The following RYR3 variants were observed in gnomAD, a reference collection of about 807,000 sequenced individuals.
The protein encoded by RYR3 is brain ryanodine receptor-calcium release channel.
Under a neutral mutation model 584.3 loss-of-function variants are expected in RYR3, and 207 were observed. The ratio of observed to expected loss-of-function variants is 0.35; its 90% CI spans 0.32 to 0.40. RYR3 has a LOEUF of 0.40. Among genes scored for constraint, RYR3 ranks in the 10% least tolerant of loss-of-function variants. The pLI is 1.00. For missense variants in RYR3, 5,616 were observed against 6,089.2 expected, an observed-to-expected ratio of 0.92 and a Z score of 2.59; for synonymous variants, 2,416 against 2,248.5, an observed-to-expected ratio of 1.07 and a Z score of -2.11.
At chr15:33,363,664 G>A (rs1269869279) in intron 1 of RYR3, among the ~76,000 whole-genome samples, 3 of 152,132 alleles carry the variant, frequency 2.0e-5, no homozygotes, top group Admixed American at 2.0e-4. Context: ...CAATTTGCAG[G>A]TTGCCAATCA....
At chr15:33,436,406 A>G (rs1288337545) in intron 1 of RYR3, among the ~76,000 whole-genome samples, 2 of 152,002 alleles carry the variant, frequency 1.3e-5, no homozygotes, top group Non-Finnish European at 2.9e-5. Flanking sequence ...AGTTCTTTGG[A>G]CATTACAACT....
intron 5 of RYR3, among the ~76,000 whole-genome samples, chr15:33,535,053 C>T (rs547733384): frequency 5.6e-4 from 85 of 152,246 alleles, no homozygotes; most frequent in African/African-American, 1.9e-3. Flanking sequence ...GGAACAGAGA[C>T]CAAGGAAGAG....
At chr15:33,420,381 A>G (rs939785080) in intron 1 of RYR3, among the ~76,000 whole-genome samples, 3 of 152,164 alleles carry the variant, frequency 2.0e-5, no homozygotes, top group Non-Finnish European at 1.5e-5. Context: ...AGTCCCACAA[A>G]ACATAATACA....
chr15:33,812,945 C>T lies in RYR3; in HGVS notation c.10340C>T (p.Thr3447Ile), dbSNP rs957923547. The T allele has an allele frequency of 1.9e-6, 3 of 1,613,908 alleles. No homozygotes were observed. Among genetic ancestry groups the T allele is most frequent in the Non-Finnish European group, 2.5e-6 (3 of 1,179,810 alleles). ...GAAGAACCTTTCAATCCGGAAAAGA[C>T]AGTGGAGCGTGTGCAGAGAATTTCA... Reference protein sequence around the residue: ...KSEEPFNPEKTVERVQRISAA... With the variant: ...KSEEPFNPEKIVERVQRISAA... Residue 3447 changes from threonine to isoleucine, a missense_variant, in exon 73 of 104, where the codon ACA (threonine) becomes ATA (isoleucine). This residue lies in a region of RYR3 where 954 missense variants were observed against 1,132.2 expected (regional missense o/e 0.84). Transcript: ENST00000634891.
At chr15:33,651,298 A>C (rs2152686540) in intron 31 of RYR3, among the ~76,000 whole-genome samples, 1 of 152,378 alleles carries the variant, frequency 6.6e-6, no homozygotes, top group Admixed American at 6.5e-5. Flanking sequence ...TTAATACATT[A>C]TTAATTGTAT....
chr15:33,375,451 A>G (rs973610077), intron 1 of RYR3, among the ~76,000 whole-genome samples: 14 of 152,168 alleles, frequency 9.2e-5, no homozygotes, highest in Non-Finnish European at 1.5e-4. Context: ...AGATCTTTAA[A>G]GCTCCTAAAA....
intron 3 of RYR3, among the ~76,000 whole-genome samples, chr15:33,508,089 G>C (rs563540653): frequency 3.3e-5 from 5 of 152,010 alleles, no homozygotes; most frequent in African/African-American, 1.2e-4. Context: ...GAAAGGCCTT[G>C]GTTAACACAA....
chr15:33,732,524 C>T (rs570395155), intron 48 of RYR3, among the ~76,000 whole-genome samples: 1 of 152,066 alleles, frequency 6.6e-6, no homozygotes, highest in East Asian at 1.9e-4. Context: ...CAGCTGAGGA[C>T]AAAAGGTAAA....
chr15:33,631,433 A>G (rs35022943), intron 23 of RYR3, 140 bp downstream of exon 23: 188,248 of 584,684 alleles, frequency 0.32, 34,523 homozygotes, highest in Middle Eastern at 0.39. Context: ...TTCCTAGATG[A>G]CACTGAAGCC....
chr15:33,849,984 C>T (rs1446321187), intron 94 of RYR3: 1 of 152,182 alleles, frequency 6.6e-6, no homozygotes, highest in African/African-American at 2.4e-5. Context: ...AAGTCTTAGA[C>T]ACTATTGAAT....
chr15:33,438,851 C>T (rs572372733), intron 1 of RYR3, among the ~76,000 whole-genome samples: 1 of 151,966 alleles, frequency 6.6e-6, no homozygotes, highest in Admixed American at 6.6e-5. Flanking sequence ...CAAAAATACA[C>T]CTGCACATAA....
chr15:33,751,267 G>A lies in RYR3; in HGVS notation c.8399+981G>A, dbSNP rs559429022. Among the ~76,000 whole-genome samples the A allele has an allele frequency of 2.6e-5, 4 of 152,286 alleles. No homozygotes were observed. The South Asian group carries it at 8.3e-4, about 32-fold the overall frequency. On this transcript the variant is annotated intron_variant, in intron 57 of 103. Transcript: ENST00000634891. ...ATATACCCAGTAATGGGATTGCTGG[G>A]TTAAATGGTATTTCTAGTTCTAGAT...
chr15:33,704,133 G>A (rs2066503095), intron 42 of RYR3, among the ~76,000 whole-genome samples: 1 of 151,970 alleles, frequency 6.6e-6, no homozygotes, highest in Non-Finnish European at 1.5e-5. Flanking sequence ...AGTTAGCCAG[G>A]CATGGTGGTT....
At chr15:33,480,969 G>T (rs1361823493) in intron 2 of RYR3, among the ~76,000 whole-genome samples, 1 of 152,162 alleles carries the variant, frequency 6.6e-6, no homozygotes, top group Non-Finnish European at 1.5e-5. Context: ...CTTTAGTTCT[G>T]TCACTTTTGT....
At chr15:33,786,025 A>G (rs1567167661) in intron 66 of RYR3, 43 bp downstream of exon 66, 1 of 1,419,348 alleles carries the variant, frequency 7.0e-7, no homozygotes, top group African/African-American at 1.4e-5. Flanking sequence ...AGGGGCCAAG[A>G]TAACTGGATT....
Position 33,821,317 on chromosome 15 carries a change from G to A in RYR3, c.10863G>A (p.Leu3621=), listed in dbSNP as rs750927699. The A allele has an allele frequency of 1.0e-5, 16 of 1,604,170 alleles. No homozygotes were observed. Among genetic ancestry groups the A allele is most frequent in the Admixed American group, 3.4e-5 (2 of 58,710 alleles). Residue 3621 remains leucine (L), a synonymous_variant, in exon 79 of 104, where the codon CTG becomes CTA. Coordinates refer to ENST00000634891, the MANE Select transcript of RYR3 (RefSeq NM_001036.6). The stretch of plus-strand genomic sequence containing the variant: ...AAACCCTCTATCAGCAAGCTCGGCT[G>A]CATGAGCGTGGTGCTGCAGAGATGG... The part of the protein sequence containing the change: ...KQKTLYQQAR[L]HERGAAEMVL...
intron 2 of RYR3, among the ~76,000 whole-genome samples, chr15:33,501,408 G>T (rs984851931): frequency 2.2e-4 from 33 of 152,292 alleles, no homozygotes; most frequent in East Asian, 3.9e-4. Flanking sequence ...GAGGGTTTCT[G>T]TCTTAAAGAG....
At chr15:33,661,251 C>T (rs563212763) in intron 34 of RYR3, among the ~76,000 whole-genome samples, 17 of 152,162 alleles carry the variant, frequency 1.1e-4, no homozygotes, top group African/African-American at 3.4e-4. Context: ...GAGCCGAGGC[C>T]CTGGACCCAC....
In RYR3 at chr15:33,603,133, A is replaced by C; in HGVS notation, c.1933A>C (p.Asn645His). The C allele has an allele frequency of 6.2e-7, 1 of 1,613,804 alleles. No homozygotes were observed. Among genetic ancestry groups the C allele is most frequent in the Non-Finnish European group, 8.5e-7 (1 of 1,179,790 alleles). ...CATGTTTACTTTCAGTATCCGGCCA[A>C]ACATCTTCCTGGGAGTCGCGGAGGG... ...LINDVTSIRP[N>H]IFLGVAEGSA... Residue 645 changes from asparagine to histidine, a missense_variant, in exon 18 of 104, where the codon AAC (asparagine) becomes CAC (histidine). Physicochemically the swap from Asn to His is moderately conservative, Grantham distance 68 (BLOSUM62 1). Coordinates refer to ENST00000634891, the MANE Select transcript of RYR3 (RefSeq NM_001036.6).
Sources: allele counts gnomAD v4.1 joint callset (sites outside exome capture counted in the v4.1 genomes callset), GRCh38; gene constraint gnomAD v4.1.1; regional missense constraint gnomAD v4.1.1; transcripts MANE v1.5; gene names NCBI Gene and HGNC (gene_info 2026-07-23, HGNC 2026-07-21).